ATF6: variants seen among roughly 807,000 people sequenced by gnomAD.
The protein encoded by ATF6 is activating transcription factor 6, also known as cyclic AMP-dependent transcription factor ATF-6 alpha.
Under a neutral mutation model 83.6 loss-of-function variants are expected in ATF6, and 53 were observed. The observed-to-expected ratio is 0.63, with a 90% CI of 0.51 to 0.80. The LOEUF (loss-of-function observed/expected upper bound fraction) is 0.80. Among genes scored for constraint, ATF6 ranks in the 30% least tolerant of loss-of-function variants. The probability of loss-of-function intolerance (pLI) is 0.00; values close to 1 mark genes in which losing one functional copy is unlikely to be tolerated. For synonymous variants in ATF6, 288 were observed against 285.8 expected (o/e 1.01, Z -0.08); for missense variants, 744 against 797.9 (o/e 0.93, Z 0.81).
chr1:161,860,264 A>T lies in ATF6; in HGVS notation c.1591A>T (p.Thr531Ser). The T allele has an allele frequency of 6.2e-7, 1 of 1,601,634 alleles. No individual in the cohort carries two copies. The highest frequency in any genetic ancestry group is 8.5e-7 in the Non-Finnish European group (1 of 1,173,298). ...GATGGCTGTTCAATACACAGAAACC[A>T]CTAGTAGTATCAGGTAAGACAGTGC... Reference protein sequence around the residue: ...QLMAVQYTETTSSISRNSGSE... With the variant: ...QLMAVQYTETSSSISRNSGSE... The change falls in exon 13 of 16, where the codon ACT becomes TCT. Residue 531 changes from threonine (T) to serine (S), a missense_variant. Coordinates refer to ENST00000367942, the MANE Select transcript of ATF6 (RefSeq NM_007348.4).
chr1:161,814,259 C>A (rs1476130412), intron 7 of ATF6, among the ~76,000 whole-genome samples: 1 of 152,208 alleles, frequency 6.6e-6, no homozygotes, highest in East Asian at 1.9e-4. Context: ...TTTGAGGCTC[C>A]TTTGAAGATC....
chr1:161,919,430 A>C (rs144514614), intron 15 of ATF6, among the ~76,000 whole-genome samples: 335 of 152,276 alleles, frequency 2.2e-3, no homozygotes, highest in African/African-American at 7.7e-3. Flanking sequence ...GTTGTGGTAA[A>C]ACTGTTCATT....
chr1:161,801,140 A>G (rs944289875), intron 6 of ATF6, among the ~76,000 whole-genome samples: 3 of 152,118 alleles, frequency 2.0e-5, no homozygotes, highest in Non-Finnish European at 4.4e-5. Flanking sequence ...GGGTTTTTGG[A>G]TTAAGGATGT....
chr1:161,820,543 G>A (rs1393801969), intron 8 of ATF6, among the ~76,000 whole-genome samples: 1 of 152,154 alleles, frequency 6.6e-6, no homozygotes. Flanking sequence ...ACAAGGTCAG[G>A]AGATCAAGAC....
At chr1:161,901,535 C>T (rs544166688) in intron 14 of ATF6, among the ~76,000 whole-genome samples, 1 of 148,960 alleles carries the variant, frequency 6.7e-6, no homozygotes, top group South Asian at 2.1e-4. Context: ...CACTGTTTTA[C>T]AGTTTTGCAG....
intron 9 of ATF6, among the ~76,000 whole-genome samples, chr1:161,828,347 AG>A (rs1685956663): frequency 6.6e-6 from 1 of 152,192 alleles, no homozygotes; most frequent in African/African-American, 2.4e-5. Context: ...AGACAAAGTA[AG>A]GGCTTCTCAG....
At chr1:161,946,534 T>C (rs1360022445) in intron 15 of ATF6, among the ~76,000 whole-genome samples, 1 of 152,180 alleles carries the variant, frequency 6.6e-6, no homozygotes, top group Non-Finnish European at 1.5e-5. Context: ...TGGTTTGAGT[T>C]CCATAGTTAC....
Position 161,773,897 on chromosome 1 carries a change from A to AT in ATF6, c.83-4340dup, listed in dbSNP as rs541522035. Reference sequence around the variant, plus strand: ...TATATTTATCAACCCACCTTCAGTTATTTTTTTAACCACAGAAAAGTCAAA... The same window carrying AT: ...TATATTTATCAACCCACCTTCAGTTATTTTTTTTAACCACAGAAAAGTCAAA... On this transcript the variant is annotated intron_variant, in intron 1 of 15. Coordinates refer to ENST00000367942, the MANE Select transcript of ATF6 (RefSeq NM_007348.4). 5.3e-5 allele frequency among the ~76,000 whole-genome samples: 8 copies of AT among 152,224 alleles called. No homozygotes were observed. In the East Asian group the frequency reaches 1.5e-3, roughly 29 times the overall value.
intron 2 of ATF6, among the ~76,000 whole-genome samples, chr1:161,780,259 C>G (rs1167482530): frequency 6.6e-6 from 1 of 151,942 alleles, no homozygotes; most frequent in Non-Finnish European, 1.5e-5. Context: ...AAAAATGAAC[C>G]ATATAGTAGT....
At chr1:161,852,019 A>C (rs1359704605) in intron 11 of ATF6, among the ~76,000 whole-genome samples, 184 bp downstream of exon 11, 1 of 152,198 alleles carries the variant, frequency 6.6e-6, no homozygotes, top group African/African-American at 2.4e-5. Context: ...TGATGGGTCT[A>C]TTTTATGTGA....
chr1:161,910,034 C>CA (rs1687959622), intron 14 of ATF6, among the ~76,000 whole-genome samples: 1 of 152,128 alleles, frequency 6.6e-6, no homozygotes, highest in South Asian at 2.1e-4. Flanking sequence ...AAATGTGACT[C>CA]ACAGTACTAA....
chr1:161,904,675 C>G (rs1431199862), intron 14 of ATF6, among the ~76,000 whole-genome samples: 1 of 151,856 alleles, frequency 6.6e-6, no homozygotes, highest in Non-Finnish European at 1.5e-5. Flanking sequence ...TGAGAACTTA[C>G]TGTTCTATTT....
At position 161,807,453 on chromosome 1, in the gene ATF6, C is replaced by T. The variant is rs568202952; in HGVS notation, c.909+5181C>T. Among the ~76,000 whole-genome samples, 4 of 152,158 alleles carry T rather than the reference C, an allele frequency of 2.6e-5. No homozygotes were observed. The South Asian group carries it at 8.3e-4, about 32-fold the overall frequency. Reference sequence around the variant, plus strand: ...CTTCTTAATAACTTCTAACAACAAACAAGTTGAGATCATGATATTTCTTTA... The same window carrying T: ...CTTCTTAATAACTTCTAACAACAAATAAGTTGAGATCATGATATTTCTTTA... On this transcript the variant is annotated intron_variant, in intron 7 of 15. Coordinates refer to ENST00000367942, the MANE Select transcript of ATF6 (RefSeq NM_007348.4).
chr1:161,913,190 T>C (rs1688025939), intron 15 of ATF6, among the ~76,000 whole-genome samples: 1 of 152,216 alleles, frequency 6.6e-6, no homozygotes, highest in Non-Finnish European at 1.5e-5. Flanking sequence ...CAAGTTTGTG[T>C]ATCTCACATA....
chr1:161,913,220 T>C (rs1243552921), intron 15 of ATF6, among the ~76,000 whole-genome samples: 1 of 152,176 alleles, frequency 6.6e-6, no homozygotes, highest in Non-Finnish European at 1.5e-5. Context: ...CTAGTAAATT[T>C]TCTGTCTGGT....
chr1:161,808,404 GA>G (rs1685356464), intron 7 of ATF6, among the ~76,000 whole-genome samples: 6 of 152,126 alleles, frequency 3.9e-5, no homozygotes, highest in African/African-American at 1.4e-4. Context: ...TTCTTCTGGA[GA>G]CAGTTCTTTA....
chr1:161,907,874 A>G (rs983147683), intron 14 of ATF6, among the ~76,000 whole-genome samples: 1 of 152,200 alleles, frequency 6.6e-6, no homozygotes, highest in African/African-American at 2.4e-5. Flanking sequence ...ATCAGCAACC[A>G]TAATTTCCAG....
rs547896360 is a variant in ATF6, at chr1:161,959,515, A to C, written c.*861A>C. ...GAAACCCCGTCTCTACTAAAAATAC[A>C]AAAAATTAGCCGGGCGTAGTGACGG... On this transcript the variant is annotated 3_prime_UTR_variant, in exon 16 of 16. Transcript: ENST00000367942. The C allele has an allele frequency of 3.9e-5, 6 of 152,008 alleles. No individual in the cohort carries two copies. Among genetic ancestry groups the C allele is most frequent in the Non-Finnish European group, 8.8e-5 (6 of 67,986 alleles). 9.4% of individuals were successfully genotyped at this position (152,008 alleles called of 1,614,324 possible).
At chr1:161,874,665 T>C (rs1200634109) in intron 14 of ATF6, among the ~76,000 whole-genome samples, 1 of 151,670 alleles carries the variant, frequency 6.6e-6, no homozygotes. Context: ...ACTTTGAAGT[T>C]CCTTAAAGAG....
Sources: allele counts gnomAD v4.1 joint callset (sites outside exome capture counted in the v4.1 genomes callset), GRCh38; gene constraint gnomAD v4.1.1; transcripts MANE v1.5; gene names NCBI Gene and HGNC (gene_info 2026-07-23, HGNC 2026-07-21).